The following BRAF variants were observed in gnomAD, a reference collection of about 807,000 sequenced individuals.
BRAF encodes the protein serine/threonine-protein kinase B-raf.
In BRAF, 16 loss-of-function variants were observed where a neutral mutation model predicts 104.6. The observed-to-expected ratio is 0.15, with a 90% CI of 0.10 to 0.23. The LOEUF is 0.23. BRAF is among the 10% of genes least tolerant of loss of function. The pLI is 1.00. For missense variants in BRAF, 541 were observed against 937.3 expected (o/e 0.58, Z 5.52); for synonymous variants, 310 against 341.6 (o/e 0.91, Z 1.02).
chr7:140,905,494 T>C (rs1029605765), intron 1 of BRAF, among the ~76,000 whole-genome samples: 4 of 152,252 alleles, frequency 2.6e-5, no homozygotes, highest in African/African-American at 9.6e-5. Context: ...TTGTGATGAT[T>C]ACTTTTGATC....
At chr7:140,847,609 G>T (rs1269515747) in intron 2 of BRAF, among the ~76,000 whole-genome samples, 3 of 151,860 alleles carry the variant, frequency 2.0e-5, no homozygotes, top group Non-Finnish European at 4.4e-5. Flanking sequence ...ACAGACAATT[G>T]CTATTCCCCA....
At chr7:140,869,239 A>G (rs1022245786) in intron 1 of BRAF, among the ~76,000 whole-genome samples, 1 of 152,214 alleles carries the variant, frequency 6.6e-6, no homozygotes, top group Admixed American at 6.5e-5. Context: ...TGACAGAAAT[A>G]ACATGTTCTT....
chr7:140,897,059 CTTT>C (rs769606077), intron 1 of BRAF, among the ~76,000 whole-genome samples: 6 of 138,498 alleles, frequency 4.3e-5, no homozygotes, highest in Non-Finnish European at 3.2e-5. Context: ...CAACCTAATT[CTTT>C]TTTTTTTTTT....
chr7:140,789,452 C>A (rs1801726067), intron 8 of BRAF, among the ~76,000 whole-genome samples: 1 of 152,114 alleles, frequency 6.6e-6, no homozygotes. Context: ...AGATGTATTT[C>A]TATCATGTTT....
At chr7:140,792,966 TAGAG>T (rs1326715037) in intron 8 of BRAF, among the ~76,000 whole-genome samples, 1 of 152,122 alleles carries the variant, frequency 6.6e-6, no homozygotes, top group Non-Finnish European at 1.5e-5. Context: ...TGGAAATAGA[TAGAG>T]AGAAATCAAT....
Position 140,724,522 on chromosome 7 carries a change from T to C in BRAF, c.*1972A>G, listed in dbSNP as rs1795494329. 9.5e-7 allele frequency: 1 copy of C among 1,047,432 alleles called. No homozygotes were observed. 64.9% of individuals were successfully genotyped at this position (1,047,432 alleles called of 1,614,324 possible). Reference sequence around the variant, plus strand: ...TGCTGATGTAAAACTTAAAAACAAATTTGCTTTTCAAACTGATTAATAACT... The same window carrying C: ...TGCTGATGTAAAACTTAAAAACAAACTTGCTTTTCAAACTGATTAATAACT... On this transcript the variant is annotated 3_prime_UTR_variant, in exon 20 of 20. Transcript: ENST00000644969.
rs760454617 is a variant in BRAF at position 140,834,855 on chromosome 7, G to T, written c.258C>A (p.Thr86=). ...TTTGTTGGAGTGCATCTAGCTTGCT[G>T]GTGTATTCTTCATAGGCCTATAAAA... ...SIYLEAYEEY[T]SKLDALQQRE... is the part of the protein sequence containing the mutation. Residue 86 remains threonine (T), a synonymous_variant, in exon 3 of 20, where the codon ACC becomes ACA. Transcript: ENST00000644969. 5 of 1,614,126 alleles carry T rather than the reference G, an allele frequency of 3.1e-6. No homozygotes were observed. Among genetic ancestry groups the T allele is most frequent in the Non-Finnish European group, 4.2e-6 (5 of 1,179,974 alleles).
chr7:140,868,665 C>A (rs1403267511), intron 1 of BRAF, among the ~76,000 whole-genome samples: 1 of 152,088 alleles, frequency 6.6e-6, no homozygotes, highest in East Asian at 1.9e-4. Context: ...GGTTGTTGTG[C>A]ACACTGAATA....
At position 140,723,882 on chromosome 7, in the gene BRAF, C is replaced by A; in HGVS notation, c.*2612G>T. ...TTTTTTAGGAGCTCAGTAAGTCTAA[C>A]TGTTGTCTAAGCATCAAAAAATAAA... On this transcript the variant is annotated 3_prime_UTR_variant, in exon 20 of 20. Transcript: ENST00000644969. 3 of 1,046,558 alleles carry A rather than the reference C, an allele frequency of 2.9e-6. No homozygotes were observed. Among genetic ancestry groups the A allele is most frequent in the Non-Finnish European group, 3.5e-6 (3 of 867,566 alleles). The allele number at this position is 1,046,558 out of a possible 1,614,324, so 64.8% of individuals were successfully genotyped here. A position where few individuals can be genotyped will look rare whatever the true frequency, so the allele number is the denominator to read the frequency against.
intron 7 of BRAF, chr7:140,799,095 G>A (rs2129042558): frequency 5.4e-6 from 1 of 184,400 alleles, no homozygotes; most frequent in Non-Finnish European, 1.1e-5. Context: ...CTCGTGATCT[G>A]CCCGCCTCAG....
intron 14 of BRAF, among the ~76,000 whole-genome samples, chr7:140,757,828 T>G (rs1233531334): frequency 1.3e-5 from 2 of 152,232 alleles, no homozygotes; most frequent in African/African-American, 4.8e-5. Context: ...AAGAGAGGAC[T>G]GAGGATAGGA....
chr7:140,842,317 G>A (rs1392389995), intron 2 of BRAF, among the ~76,000 whole-genome samples: 3 of 152,174 alleles, frequency 2.0e-5, no homozygotes, highest in Non-Finnish European at 2.9e-5. Flanking sequence ...AAATGAAAAT[G>A]AGAATAGTTA....
Position 140,722,156 on chromosome 7 carries a change from A to G in BRAF, c.*4338T>C, listed in dbSNP as rs569230211. The G allele has an allele frequency of 2.7e-5, 29 of 1,064,796 alleles. No homozygotes were observed. The East Asian group carries it at 1.3e-3, about 47-fold the overall frequency. 66.0% of individuals were successfully genotyped at this position (1,064,796 alleles called of 1,614,324 possible). A position where few individuals can be genotyped will look rare whatever the true frequency, so the allele number is the denominator to read the frequency against. The stretch of plus-strand genomic sequence containing the variant: ...GTTTCTCTAGAAATGTCACTGAACT[A>G]TATTTGCAACCTAGTTGCTCTATGT... On this transcript the variant is annotated 3_prime_UTR_variant, in exon 20 of 20. Transcript: ENST00000644969.
intron 1 of BRAF, among the ~76,000 whole-genome samples, chr7:140,904,474 T>A (rs183130581): frequency 1.3e-5 from 2 of 152,314 alleles, no homozygotes; most frequent in African/African-American, 4.8e-5. Flanking sequence ...AGAAACTTCG[T>A]ATCTAAAGAC....
intron 14 of BRAF, among the ~76,000 whole-genome samples, chr7:140,757,322 ACT>A: frequency 6.6e-6 from 1 of 151,584 alleles, no homozygotes; most frequent in East Asian, 1.9e-4. Flanking sequence ...ACAGAGTCTC[ACT>A]CTGTCACCAG....
intron 1 of BRAF, among the ~76,000 whole-genome samples, chr7:140,857,941 C>T (rs1289760267): frequency 6.6e-6 from 1 of 152,132 alleles, no homozygotes; most frequent in Non-Finnish European, 1.5e-5. Flanking sequence ...TTATTACACC[C>T]TTAGAAAACT....
intron 1 of BRAF, among the ~76,000 whole-genome samples, chr7:140,907,713 A>T (rs751054321): frequency 5.9e-5 from 9 of 151,726 alleles, no homozygotes; most frequent in Non-Finnish European, 8.8e-5. Context: ...TCAGTCTCCC[A>T]AAGTATTGGG....
chr7:140,919,172 A>G (rs1013571573), intron 1 of BRAF, among the ~76,000 whole-genome samples: 9 of 151,318 alleles, frequency 5.9e-5, no homozygotes, highest in Admixed American at 2.0e-4. Flanking sequence ...AAAAATTATT[A>G]TTTACAATGA....
chr7:140,804,323 G>A (rs759210630), intron 5 of BRAF, among the ~76,000 whole-genome samples: 12 of 151,378 alleles, frequency 7.9e-5, no homozygotes, highest in Non-Finnish European at 1.3e-4. Flanking sequence ...TCCTGCCTCA[G>A]CCTCCCGAGC....
Sources: allele counts gnomAD v4.1 joint callset (sites outside exome capture counted in the v4.1 genomes callset), GRCh38; gene constraint gnomAD v4.1.1; transcripts MANE v1.5; gene names NCBI Gene and HGNC (gene_info 2026-07-23, HGNC 2026-07-21).